The following GALNT13 variants were observed in gnomAD, a reference collection of about 807,000 sequenced individuals.
GALNT13 encodes the protein UDP-GalNAc:polypeptide N-acetylgalactosaminyltransferase 13.
In GALNT13, 28 loss-of-function variants were observed where a neutral mutation model predicts 64.2. The observed-to-expected ratio is 0.44, with a 90% confidence interval of 0.32 to 0.60. The LOEUF (loss-of-function observed/expected upper bound fraction) is 0.60. Among genes scored for constraint, GALNT13 ranks in the 20% least tolerant of loss-of-function variants. The pLI, the probability that GALNT13 is intolerant of heterozygous loss-of-function variation, is 0.05. For missense variants in GALNT13, 577 were observed against 669.8 expected, an observed-to-expected ratio of 0.86 and a Z score of 1.53; for synonymous variants, 214 against 224.6, an observed-to-expected ratio of 0.95 and a Z score of 0.42.
chr2:153,455,271 T>C, the GALNT13 span, among the ~76,000 whole-genome samples: 1 of 152,216 alleles, frequency 6.6e-6, no homozygotes, highest in Non-Finnish European at 1.5e-5. Context: ...AATACAAGTA[T>C]AGGAGTAAAA....
At chr2:153,413,848 G>C in the GALNT13 span, among the ~76,000 whole-genome samples, 1 of 152,132 alleles carries the variant, frequency 6.6e-6, no homozygotes, top group African/African-American at 2.4e-5. Flanking sequence ...ACATTTTTTA[G>C]AATCCCAATC....
chr2:153,329,289 G>A, the GALNT13 span, among the ~76,000 whole-genome samples: 299 of 152,254 alleles, frequency 2.0e-3, 1 homozygote, highest in African/African-American at 6.5e-3. Context: ...TCTTATAGCT[G>A]TATACTGAGT....
the GALNT13 span, among the ~76,000 whole-genome samples, chr2:153,649,387 C>A: frequency 6.6e-6 from 1 of 151,644 alleles, no homozygotes; most frequent in East Asian, 1.9e-4. Context: ...AGCGGTCTAT[C>A]AATTTTGTTG....
chr2:154,147,543 G>C (rs192253929), intron 4 of GALNT13, among the ~76,000 whole-genome samples: 1 of 151,918 alleles, frequency 6.6e-6, no homozygotes, highest in African/African-American at 2.4e-5. Flanking sequence ...AAAGGAGACA[G>C]CAGAAAGGAG....
At chr2:154,155,291 C>T (rs1439919394) in intron 4 of GALNT13, among the ~76,000 whole-genome samples, 1 of 151,904 alleles carries the variant, frequency 6.6e-6, no homozygotes, top group East Asian at 1.9e-4. Flanking sequence ...GAAAGTCAGT[C>T]TTTGTGGTTA....
At chr2:153,574,068 G>A in the GALNT13 span, among the ~76,000 whole-genome samples, 1 of 150,294 alleles carries the variant, frequency 6.7e-6, no homozygotes, top group Non-Finnish European at 1.5e-5. Context: ...GTCTGGGAAA[G>A]TTTTCATTTC....
At chr2:153,785,882 G>C in the GALNT13 span, among the ~76,000 whole-genome samples, 1 of 152,108 alleles carries the variant, frequency 6.6e-6, no homozygotes, top group Non-Finnish European at 1.5e-5. Context: ...CCAGGGTTTG[G>C]TCCTGACCTC....
chr2:154,184,846 A>G (rs530243013), intron 4 of GALNT13, among the ~76,000 whole-genome samples: 199 of 152,244 alleles, frequency 1.3e-3, no homozygotes, highest in Middle Eastern at 0.01. Flanking sequence ...AGTTATTTGT[A>G]ATACTTTAAT....
chr2:153,340,475 T>C, the GALNT13 span, among the ~76,000 whole-genome samples: 322 of 152,058 alleles, frequency 2.1e-3, 1 homozygote, highest in African/African-American at 7.4e-3. Flanking sequence ...GCCAACATGA[T>C]GAAACCCCTT....
At chr2:153,522,729 A>G in the GALNT13 span, among the ~76,000 whole-genome samples, 11 of 152,188 alleles carry the variant, frequency 7.2e-5, no homozygotes, top group South Asian at 2.3e-3. Context: ...TTTGAATTTT[A>G]AGAGTTCTTT....
At chr2:154,122,545 A>G (rs1370429677) in intron 3 of GALNT13, among the ~76,000 whole-genome samples, 1 of 152,008 alleles carries the variant, frequency 6.6e-6, no homozygotes, top group Non-Finnish European at 1.5e-5. Context: ...CAATGAAACT[A>G]CTGGGCCTGG....
At chr2:153,069,074 T>C in the GALNT13 span, among the ~76,000 whole-genome samples, 205 of 152,280 alleles carry the variant, frequency 1.3e-3, no homozygotes, top group African/African-American at 4.8e-3. Flanking sequence ...CGCCTCCTTC[T>C]TCTTATTGCT....
the GALNT13 span, among the ~76,000 whole-genome samples, chr2:153,147,688 G>A: frequency 4.9e-4 from 75 of 151,738 alleles, no homozygotes; most frequent in East Asian, 3.9e-4. Flanking sequence ...AGAAATTTGG[G>A]AAACTAAAGA....
chr2:154,380,591 C>G (rs187583779), intron 9 of GALNT13, among the ~76,000 whole-genome samples: 17 of 152,100 alleles, frequency 1.1e-4, no homozygotes, highest in African/African-American at 3.6e-4. Context: ...GGACTTAATG[C>G]TATCAGCATC....
chr2:153,775,086 G>A, the GALNT13 span, among the ~76,000 whole-genome samples: 1 of 152,140 alleles, frequency 6.6e-6, no homozygotes, highest in Admixed American at 6.6e-5. Flanking sequence ...CTTAATGACT[G>A]AAGAAGTAAT....
rs1040218845 is a variant in GALNT13 at position 154,157,039 on chromosome 2, G to A, written c.311+16534G>A. Among the ~76,000 whole-genome samples the A allele has an allele frequency of 2.6e-5, 4 of 151,966 alleles. No individual in the cohort carries two copies. In the East Asian group the frequency reaches 5.8e-4, roughly 22 times the overall value. On this transcript the variant is annotated intron_variant, in intron 4 of 12. Transcript: ENST00000392825. ...CTTCAATGCTGTCCATCAGTCATAC[G>A]ATATTTCCCTTGTCTATCCTGTTTT... is the stretch of plus-strand genomic sequence containing the variant.
At chr2:154,168,222 C>A (rs1021033420) in intron 4 of GALNT13, among the ~76,000 whole-genome samples, 1 of 152,088 alleles carries the variant, frequency 6.6e-6, no homozygotes. Flanking sequence ...TAGAGGCCGA[C>A]AACTGCAGAA....
chr2:153,793,904 A>T, the GALNT13 span, among the ~76,000 whole-genome samples: 1 of 152,198 alleles, frequency 6.6e-6, no homozygotes, highest in Non-Finnish European at 1.5e-5. Flanking sequence ...GGTCACAATG[A>T]TGCAATCTCC....
At chr2:154,014,917 C>T (rs1008500014) in intron 3 of GALNT13, among the ~76,000 whole-genome samples, 1 of 152,108 alleles carries the variant, frequency 6.6e-6, no homozygotes, top group African/African-American at 2.4e-5. Flanking sequence ...TAGGCGTGAG[C>T]CACCGCGCCC....
Sources: gnomAD v4.1 joint callset for allele counts (sites outside exome capture counted in the v4.1 genomes callset) on GRCh38, gnomAD v4.1.1 for gene constraint, MANE v1.5 for transcripts, NCBI Gene and HGNC (gene_info 2026-07-23, HGNC 2026-07-21) for gene names.